NRAP: variants seen among roughly 807,000 people sequenced by gnomAD.
The protein encoded by NRAP is nebulin-related-anchoring protein.
A neutral mutation model predicts 225.9 loss-of-function variants in NRAP; 189 were observed. That is an observed-to-expected ratio of 0.84 (90% CI 0.74 to 0.94). The LOEUF (loss-of-function observed/expected upper bound fraction) is 0.94. NRAP is among the 40% of genes least tolerant of loss of function. The pLI is 0.00. For synonymous variants in NRAP, 769 were observed against 790.7 expected, an observed-to-expected ratio of 0.97 and a Z score of 0.46; for missense variants, 2,176 against 2,168.7, an observed-to-expected ratio of 1.00 and a Z score of -0.07.
intron 9 of NRAP, among the ~76,000 whole-genome samples, chr10:113,648,123 G>A (rs1039355858): frequency 4.0e-5 from 6 of 151,628 alleles, no homozygotes; most frequent in Admixed American, 2.6e-4. Context: ...TTAGGCTCAC[G>A]ACTCCATCTC....
At chr10:113,656,200 C>T (rs1366959757) in intron 4 of NRAP, among the ~76,000 whole-genome samples, 3 of 150,752 alleles carry the variant, frequency 2.0e-5, no homozygotes, top group African/African-American at 7.4e-5. Context: ...ACTTTGGTCT[C>T]CACAACCCCT....
intron 18 of NRAP, among the ~76,000 whole-genome samples, 171 bp downstream of exon 18, chr10:113,631,338 T>C (rs1208209913): frequency 6.6e-6 from 1 of 152,204 alleles, no homozygotes; most frequent in Non-Finnish European, 1.5e-5. Flanking sequence ...AAAAATAGTA[T>C]GCTTTGGCAA....
chr10:113,591,506 C>T (rs1023814188), intron 39 of NRAP, among the ~76,000 whole-genome samples: 24 of 152,172 alleles, frequency 1.6e-4, no homozygotes, highest in East Asian at 1.9e-4. Flanking sequence ...GATGTTACAA[C>T]GTCTAATTGC....
intron 14 of NRAP, among the ~76,000 whole-genome samples, chr10:113,636,419 C>G (rs1471123581): frequency 6.6e-6 from 1 of 152,202 alleles, no homozygotes; most frequent in African/African-American, 2.4e-5. Context: ...CCTGAGATGA[C>G]AGCCCACCTC....
intron 3 of NRAP, among the ~76,000 whole-genome samples, chr10:113,659,039 C>A (rs1413432650): frequency 6.6e-6 from 1 of 152,104 alleles, no homozygotes; most frequent in Non-Finnish European, 1.5e-5. Flanking sequence ...CTGATATTGA[C>A]TTTCCAGGGT....
rs943400111 is a variant in NRAP, at chr10:113,605,912, G to A, written c.3808-43C>T. 7 of 1,407,274 alleles carry A rather than the reference G, an allele frequency of 5.0e-6. No homozygotes were observed. In the African/African-American group the frequency reaches 7.1e-5, roughly 14 times the overall value. The allele number at this position is 1,407,274 out of a possible 1,614,324, so 87.2% of individuals were successfully genotyped here. On this transcript the variant is annotated intron_variant, in intron 33 of 41. Transcript: ENST00000359988. ...GTAAATCTTTTTTAAAAAATTACAT[G>A]AATCAACGAGCAAAGGCCACCCCTT...
At chr10:113,653,615 AC>A (rs780826040) in intron 5 of NRAP, among the ~76,000 whole-genome samples, 2 of 152,206 alleles carry the variant, frequency 1.3e-5, no homozygotes, top group Non-Finnish European at 2.9e-5. Context: ...CTAGAGCGTA[AC>A]CTGTGCAAAT....
chr10:113,589,729 C>T lies in NRAP; in HGVS notation c.5025G>A (p.Val1675=), dbSNP rs879182838. The change falls in exon 41 of 42, where the codon GTG becomes GTA. Residue 1675 remains valine (V), a synonymous_variant. Transcript: ENST00000359988. ...VGWTPPGSYK[V]EMARRAAELA... ...GTTCCGCAGCCCGCCGAGCCATTTC[C>T]ACTTTGTAGGAGCCAGGAGGGGTCC... is the stretch of plus-strand genomic sequence containing the variant. The T allele has an allele frequency of 4.3e-6, 7 of 1,614,194 alleles. No individual in the cohort carries two copies. Among genetic ancestry groups the T allele is most frequent in the Admixed American group, 3.3e-5 (2 of 60,028 alleles).
chr10:113,631,696 C>A, intron 17 of NRAP, 86 bp from the exon 18 acceptor site: 2 of 974,626 alleles, frequency 2.1e-6, no homozygotes, highest in South Asian at 1.4e-5. Flanking sequence ...GCAAGGGGAA[C>A]AATTCTGAAA....
At position 113,637,445 on chromosome 10, in the gene NRAP, G is replaced by A. The variant is rs77774564; in HGVS notation, c.1428+2782C>T. On this transcript the variant is annotated intron_variant, in intron 14 of 41. Coordinates refer to ENST00000359988, the MANE Select transcript of NRAP (RefSeq NM_198060.4). Reference sequence around the variant, plus strand: ...TTGCCAAAGCTAGTGTGCTTAGAGCGATTATTTGTTATATTACAGATGGGC... The same window carrying A: ...TTGCCAAAGCTAGTGTGCTTAGAGCAATTATTTGTTATATTACAGATGGGC... 9.6e-3 allele frequency among the ~76,000 whole-genome samples: 1,463 copies of A among 152,320 alleles called. 14 individuals are homozygous for A. Among genetic ancestry groups the A allele is most frequent in the South Asian group, 0.027 (129 of 4,826 alleles).
intron 9 of NRAP, among the ~76,000 whole-genome samples, chr10:113,647,943 C>T (rs540900129): frequency 9.2e-5 from 14 of 152,352 alleles, no homozygotes; most frequent in Admixed American, 2.6e-4. Context: ...CATCACATGA[C>T]GGATAACCCC....
chr10:113,591,129 G>A (rs527646884), intron 39 of NRAP, among the ~76,000 whole-genome samples: 2 of 152,214 alleles, frequency 1.3e-5, no homozygotes, highest in African/African-American at 2.4e-5. Flanking sequence ...AGGAGGTTGC[G>A]AGGATTCAAC....
At chr10:113,622,438 G>C (rs773187850) in intron 23 of NRAP, among the ~76,000 whole-genome samples, 2 of 152,146 alleles carry the variant, frequency 1.3e-5, no homozygotes, top group Non-Finnish European at 2.9e-5. Flanking sequence ...CGTGAAATGA[G>C]AAGCATACAG....
intron 3 of NRAP, among the ~76,000 whole-genome samples, 191 bp from the exon 4 acceptor site, chr10:113,657,765 T>C (rs1268793140): frequency 2.0e-5 from 3 of 152,226 alleles, no homozygotes; most frequent in Non-Finnish European, 4.4e-5. Flanking sequence ...GTGGCACATA[T>C]AGAGCACCTG....
At chr10:113,650,218 T>A (rs762938456) in intron 8 of NRAP, 77 bp from the exon 9 acceptor site, 42 of 946,078 alleles carry the variant, frequency 4.4e-5, no homozygotes, top group Non-Finnish European at 6.2e-5. Context: ...GTGAATGTCT[T>A]AATGGAATGT....
At chr10:113,652,203 A>T (rs1850019828) in intron 6 of NRAP, among the ~76,000 whole-genome samples, 1 of 152,208 alleles carries the variant, frequency 6.6e-6, no homozygotes. Flanking sequence ...AAGCCAAGAA[A>T]GAGAGAAATT....
chr10:113,589,912 C>T, intron 40 of NRAP, 115 bp from the exon 41 acceptor site: 2 of 1,190,606 alleles, frequency 1.7e-6, no homozygotes, highest in Non-Finnish European at 2.3e-6. Flanking sequence ...TGTCTGTCAT[C>T]AGTAAAGCCA....
chr10:113,617,497 C>A lies in NRAP; in HGVS notation c.2931G>T (p.Pro977=). 6.2e-7 allele frequency: 1 copy of A among 1,612,362 alleles called. No homozygotes were observed. Among genetic ancestry groups the A allele is most frequent in the Non-Finnish European group, 8.5e-7 (1 of 1,178,468 alleles). ...AACTAATTCTGGCCTGGACCATCTC[C>A]GGAGTGTCTTTAATACTGGTAAACT... ...ALKFTSIKDT[P]EMVQARISYT... is the part of the protein sequence containing the mutation. Residue 977 remains proline (P), a synonymous_variant, in exon 26 of 42, where the codon CCG becomes CCT. Coordinates refer to ENST00000359988, the MANE Select transcript of NRAP (RefSeq NM_198060.4).
At chr10:113,617,008 A>C (rs1375383475) in intron 26 of NRAP, among the ~76,000 whole-genome samples, 1 of 152,170 alleles carries the variant, frequency 6.6e-6, no homozygotes, top group Non-Finnish European at 1.5e-5. Flanking sequence ...GATGTATATA[A>C]ATCAGACCCA....
Sources: gnomAD v4.1 joint callset for allele counts (sites outside exome capture counted in the v4.1 genomes callset) on GRCh38, gnomAD v4.1.1 for gene constraint, MANE v1.5 for transcripts, NCBI Gene and HGNC (gene_info 2026-07-23, HGNC 2026-07-21) for gene names.